The following MYO10 variants were observed in gnomAD, a reference collection of about 807,000 sequenced individuals.
The protein encoded by MYO10 is myosin X, also known as unconventional myosin-X.
In MYO10, 133 loss-of-function variants were observed where a neutral mutation model predicts 257.3. That is an observed-to-expected ratio of 0.52 (90% confidence interval 0.45 to 0.60). The LOEUF (loss-of-function observed/expected upper bound fraction) is 0.60. Among genes scored for constraint, MYO10 ranks in the 20% least tolerant of loss-of-function variants. The pLI, the probability that MYO10 is intolerant of heterozygous loss-of-function variation, is 0.00. For synonymous variants in MYO10, 1,104 were observed against 1,028.6 expected (o/e 1.07, Z -1.40); for missense variants, 2,399 against 2,635.7 (o/e 0.91, Z 1.97).
intron 9 of MYO10, among the ~76,000 whole-genome samples, chr5:16,771,780 G>A (rs964785410): frequency 6.6e-5 from 10 of 151,132 alleles, no homozygotes; most frequent in South Asian, 2.1e-4. Flanking sequence ...GGAGTTTTGC[G>A]GTGTTGCCCA....
At chr5:16,774,223 A>T (rs1333471214) in intron 9 of MYO10, among the ~76,000 whole-genome samples, 1 of 152,154 alleles carries the variant, frequency 6.6e-6, no homozygotes, top group Non-Finnish European at 1.5e-5. Flanking sequence ...GCAGAGTCCC[A>T]ATCATCATGC....
chr5:16,677,416 CTTT>C (rs796474728), intron 33 of MYO10, among the ~76,000 whole-genome samples: 5 of 119,368 alleles, frequency 4.2e-5, no homozygotes, highest in Non-Finnish European at 3.4e-5. Flanking sequence ...GTAACTTGAC[CTTT>C]TTTTTTTTTT....
At chr5:16,699,360 T>G in intron 26 of MYO10, 90 bp downstream of exon 26, 1 of 1,488,806 alleles carries the variant, frequency 6.7e-7, no homozygotes, top group Non-Finnish European at 9.0e-7. Context: ...CAATAACACC[T>G]CCGTTATTTC....
intron 18 of MYO10, 98 bp downstream of exon 18, chr5:16,758,020 C>G: frequency 1.1e-6 from 1 of 916,176 alleles, no homozygotes; most frequent in East Asian, 2.5e-5. Context: ...CAAAAATAAA[C>G]AAATATTCTC....
At chr5:16,730,472 G>C (rs956239834) in intron 19 of MYO10, among the ~76,000 whole-genome samples, 1 of 152,146 alleles carries the variant, frequency 6.6e-6, no homozygotes, top group Admixed American at 6.5e-5. Context: ...GTGGATTAAG[G>C]TGCATGGAGA....
rs1425944711 is a variant in MYO10, at chr5:16,665,375, A to G, written c.*1317T>C. On this transcript the variant is annotated 3_prime_UTR_variant, in exon 41 of 41. Transcript: ENST00000513610. ...TTTGCATGGTTGTACACAAAGGGAC[A>G]AGGCAAATTTCTTTTTTCGTGTGGG... 1.3e-5 allele frequency: 2 copies of G among 152,208 alleles called. No individual in the cohort carries two copies. Among genetic ancestry groups the G allele is most frequent in the Non-Finnish European group, 2.9e-5 (2 of 68,026 alleles). 9.4% of individuals were successfully genotyped at this position (152,208 alleles called of 1,614,324 possible).
At chr5:16,852,228 T>A in intron 2 of MYO10, among the ~76,000 whole-genome samples, 1 of 118,408 alleles carries the variant, frequency 8.4e-6, no homozygotes. Context: ...CAATTGAGAG[T>A]ACAGGCTAAA....
intron 1 of MYO10, among the ~76,000 whole-genome samples, chr5:16,926,603 G>A (rs1746139087): frequency 6.6e-6 from 1 of 152,074 alleles, no homozygotes; most frequent in Non-Finnish European, 1.5e-5. Context: ...GTGGGAGGCT[G>A]AGGCAGAAGG....
Position 16,830,294 on chromosome 5 carries a change from G to A in MYO10, c.121-12127C>T, listed in dbSNP as rs1013544472. The stretch of plus-strand genomic sequence containing the variant: ...GTATTTATATGTAAGGTCAGGAACT[G>A]TGATTTTATAGACTCAGGTACAGAT... On this transcript the variant is annotated intron_variant, in intron 2 of 40. Coordinates refer to ENST00000513610, the MANE Select transcript of MYO10 (RefSeq NM_012334.3). 2.0e-5 allele frequency among the ~76,000 whole-genome samples: 3 copies of A among 152,036 alleles called. No homozygotes were observed. In the East Asian group the frequency reaches 5.8e-4, roughly 29 times the overall value.
intron 3 of MYO10, among the ~76,000 whole-genome samples, chr5:16,811,068 C>CAAAAAA (rs11420807): frequency 2.8e-5 from 3 of 108,990 alleles, no homozygotes; most frequent in African/African-American, 6.5e-5. Flanking sequence ...GACTCTGTCT[C>CAAAAAA]AAAAAAAAAA....
At chr5:16,871,789 A>G (rs2126756721) in intron 2 of MYO10, among the ~76,000 whole-genome samples, 1 of 152,296 alleles carries the variant, frequency 6.6e-6, no homozygotes, top group South Asian at 2.1e-4. Context: ...TCTTTGGGCC[A>G]CTGACAGTTC....
rs748475592 is a variant in MYO10 at position 16,701,134 on chromosome 5, G to A, written c.3261C>T (p.Gly1087=). Residue 1087 remains glycine, a synonymous_variant, in exon 25 of 41, where the codon GGC becomes GGT. Transcript: ENST00000513610. This position sits in a 1 kb window ranked among gnomAD's most constrained non-coding sequence, Gnocchi z 8.1. ...AGTCATCCTGGTCGTAGTCGTAGTC[G>A]CCGTCTGGGGAGGGCAAGTCCCCAG... is the stretch of plus-strand genomic sequence containing the variant. ...QNAGDLPSPD[G]DYDYDQDDYE... 3.1e-6 allele frequency: 5 copies of A among 1,597,920 alleles called. No homozygotes were observed. The highest frequency in any genetic ancestry group is 3.5e-5 in the Admixed American group (2 of 57,174).
intron 2 of MYO10, among the ~76,000 whole-genome samples, chr5:16,818,400 G>A (rs866259232): frequency 0.12 from 13,312 of 111,314 alleles, 785 homozygotes; most frequent in South Asian, 0.28. Flanking sequence ...GTGTGTGTGT[G>A]TGTGTGTGTG....
intron 39 of MYO10, among the ~76,000 whole-genome samples, chr5:16,668,797 G>A (rs1489692757): frequency 6.6e-6 from 1 of 152,120 alleles, no homozygotes; most frequent in Admixed American, 6.6e-5. Flanking sequence ...ATGCTTGGCC[G>A]GGGGACTTAA....
chr5:16,918,222 A>T lies in MYO10; in HGVS notation c.21+17566T>A, dbSNP rs140469011. On this transcript the variant is annotated intron_variant, in intron 1 of 40. Coordinates refer to ENST00000513610, the MANE Select transcript of MYO10 (RefSeq NM_012334.3). The stretch of plus-strand genomic sequence containing the variant: ...GGTAAGGAAGATGTGAAGAGTCCAA[A>T]AGCCCAAAGCTGTGACTAGACAGCT... Among the ~76,000 whole-genome samples, 357 of 152,276 alleles carry T rather than the reference A, an allele frequency of 2.3e-3. 1 individual carries two copies. The highest frequency in any genetic ancestry group is 6.8e-3 in the Middle Eastern group (2 of 294).
At chr5:16,790,354 A>C (rs565752537) in intron 4 of MYO10, among the ~76,000 whole-genome samples, 1 of 152,176 alleles carries the variant, frequency 6.6e-6, no homozygotes, top group Non-Finnish European at 1.5e-5. Flanking sequence ...TGTCTGTATT[A>C]TACACCTTAA....
chr5:16,803,225 C>T (rs1175273115), intron 3 of MYO10, among the ~76,000 whole-genome samples: 1 of 152,094 alleles, frequency 6.6e-6, no homozygotes, highest in African/African-American at 2.4e-5. Context: ...CAGGAGTTAA[C>T]CAGCCTGGGC....
At chr5:16,716,398 G>A (rs1441467893) in intron 19 of MYO10, among the ~76,000 whole-genome samples, 1 of 151,794 alleles carries the variant, frequency 6.6e-6, no homozygotes, top group Non-Finnish European at 1.5e-5. Flanking sequence ...AGAGCAGGGA[G>A]GGTGCTTCCC....
At chr5:16,666,860 T>C in intron 40 of MYO10, 67 bp from the exon 41 acceptor site, 2 of 1,287,936 alleles carry the variant, frequency 1.6e-6, no homozygotes, top group South Asian at 2.6e-5. Flanking sequence ...CCCTGCCTAA[T>C]AATCCAGACA....
Sources: gnomAD v4.1 joint callset for allele counts (sites outside exome capture counted in the v4.1 genomes callset) on GRCh38, gnomAD v4.1.1 for gene constraint, Gnocchi (gnomAD v3.1) non-coding constraint, MANE v1.5 for transcripts, NCBI Gene and HGNC (gene_info 2026-07-23, HGNC 2026-07-21) for gene names.